GPM6A: variants seen among roughly 807,000 people sequenced by gnomAD.
GPM6A encodes glycoprotein M6A, also known as neuronal membrane glycoprotein M6-a.
In GPM6A, 7 loss-of-function variants were observed where a neutral mutation model predicts 32.1. That is an observed-to-expected ratio of 0.22 (90% confidence interval 0.12 to 0.41). The LOEUF (loss-of-function observed/expected upper bound fraction) is 0.41, where lower values mean the gene tolerates loss of function less well. GPM6A is among the 10% of genes least tolerant of loss of function. The pLI is 1.00. For missense variants in GPM6A, 235 were observed against 347.2 expected (o/e 0.68, Z 2.57); for synonymous variants, 130 against 123.4 (o/e 1.05, Z -0.35).
Position 175,812,121 on chromosome 4 carries a change from A to C in GPM6A, c.37+70T>G, listed in dbSNP as rs1579530314. 17 of 1,147,936 alleles carry C rather than the reference A, an allele frequency of 1.5e-5. No individual in the cohort carries two copies. The East Asian group carries it at 4.3e-4, about 29-fold the overall frequency. 71.1% of individuals were successfully genotyped at this position (1,147,936 alleles called of 1,614,324 possible). On this transcript the variant is annotated intron_variant, in intron 1 of 6. Transcript: ENST00000393658. Reference sequence around the variant, plus strand: ...GAAACATTCATTAGCCTTACTGGCAAGTGTCTAAAGCAAACAAGGAAACTG... The same window carrying C: ...GAAACATTCATTAGCCTTACTGGCACGTGTCTAAAGCAAACAAGGAAACTG...
In GPM6A at chr4:175,730,780, G is replaced by A. The variant is rs1032392248; in HGVS notation, c.38-29013C>T. On this transcript the variant is annotated intron_variant, in intron 1 of 6. Coordinates refer to ENST00000393658, the MANE Select transcript of GPM6A (RefSeq NM_201591.3). Reference sequence around the variant, plus strand: ...TGAGCCACCGCTGCTGGCCGTTCTCGATCTCTTACCACACACAAACCATTC... The same window carrying A: ...TGAGCCACCGCTGCTGGCCGTTCTCAATCTCTTACCACACACAAACCATTC... 3.9e-5 allele frequency among the ~76,000 whole-genome samples: 6 copies of A among 151,926 alleles called. 1 individual carries two copies. Among genetic ancestry groups the A allele is most frequent in the Admixed American group, 3.9e-4 (6 of 15,236 alleles).
chr4:175,760,776 G>A (rs17599880), intron 1 of GPM6A, among the ~76,000 whole-genome samples: 52,955 of 151,810 alleles, frequency 0.35, 9,849 homozygotes, highest in Non-Finnish European at 0.42. Flanking sequence ...GATATACACC[G>A]AGATCTTCCT....
At chr4:175,843,830 T>C (rs1227638847) in intron 1 of GPM6A, among the ~76,000 whole-genome samples, 2 of 152,166 alleles carry the variant, frequency 1.3e-5, no homozygotes, top group East Asian at 3.8e-4. Flanking sequence ...GACTCCCTTC[T>C]TGATAAAAAT....
intron 1 of GPM6A, among the ~76,000 whole-genome samples, chr4:175,877,885 G>A (rs949129836): frequency 2.0e-5 from 3 of 152,070 alleles, no homozygotes; most frequent in Non-Finnish European, 2.9e-5. Flanking sequence ...TTCCACCTAT[G>A]AGCCTGTAAA....
At chr4:175,669,067 A>G (rs1742910043) in intron 3 of GPM6A, among the ~76,000 whole-genome samples, 1 of 152,210 alleles carries the variant, frequency 6.6e-6, no homozygotes, top group Non-Finnish European at 1.5e-5. Context: ...TCTAGTATCT[A>G]CATGACATAG....
intron 1 of GPM6A, among the ~76,000 whole-genome samples, chr4:175,772,391 A>T (rs1229896833): frequency 1.3e-5 from 2 of 152,178 alleles, no homozygotes; most frequent in African/African-American, 4.8e-5. Flanking sequence ...AATGTGAGAG[A>T]AGAATGTCGC....
intron 1 of GPM6A, among the ~76,000 whole-genome samples, chr4:175,969,882 C>G (rs1740448196): frequency 6.6e-6 from 1 of 152,086 alleles, no homozygotes; most frequent in African/African-American, 2.4e-5. Flanking sequence ...TAAAATGGCT[C>G]TAAAAATAAT....
chr4:175,692,195 C>G (rs1744336818), intron 2 of GPM6A, among the ~76,000 whole-genome samples: 1 of 152,016 alleles, frequency 6.6e-6, no homozygotes, highest in Admixed American at 6.6e-5. Flanking sequence ...AACAGCATGG[C>G]AATAATGATA....
At chr4:175,714,478 G>A (rs1422548651) in intron 1 of GPM6A, among the ~76,000 whole-genome samples, 7 of 152,038 alleles carry the variant, frequency 4.6e-5, no homozygotes, top group Non-Finnish European at 1.0e-4. Flanking sequence ...TGACCTCCAG[G>A]ACTCAAGGGA....
intron 2 of GPM6A, among the ~76,000 whole-genome samples, chr4:175,690,205 C>A (rs1179345062): frequency 6.6e-6 from 1 of 152,178 alleles, no homozygotes; most frequent in Non-Finnish European, 1.5e-5. Context: ...ATATTTCGTT[C>A]AATTGAAACA....
At chr4:175,929,397 G>A (rs1254552804) in intron 1 of GPM6A, among the ~76,000 whole-genome samples, 5 of 152,146 alleles carry the variant, frequency 3.3e-5, no homozygotes, top group Non-Finnish European at 7.4e-5. Flanking sequence ...CGTTGTTACA[G>A]GTCTATTGCT....
chr4:175,678,937 G>C (rs1027033545), intron 2 of GPM6A, among the ~76,000 whole-genome samples: 3 of 152,124 alleles, frequency 2.0e-5, no homozygotes, highest in African/African-American at 7.2e-5. Context: ...TCATTTACTT[G>C]ATTGTTTTCT....
chr4:175,676,561 A>T (rs1743378858), intron 2 of GPM6A, among the ~76,000 whole-genome samples: 1 of 152,172 alleles, frequency 6.6e-6, no homozygotes, highest in Non-Finnish European at 1.5e-5. Context: ...AGCCTGGTCA[A>T]CATAGAGACA....
At chr4:175,657,282 TAGAC>T (rs1425638494) in intron 3 of GPM6A, among the ~76,000 whole-genome samples, 2 of 152,174 alleles carry the variant, frequency 1.3e-5, no homozygotes, top group Non-Finnish European at 2.9e-5. Context: ...CTTCAATAGA[TAGAC>T]AGTAGCTGAG....
At chr4:175,876,107 T>C (rs111341740) in intron 1 of GPM6A, among the ~76,000 whole-genome samples, 39 of 152,320 alleles carry the variant, frequency 2.6e-4, no homozygotes, top group African/African-American at 9.1e-4. Context: ...AAAATTTTAA[T>C]GCAGCTCAAA....
intron 1 of GPM6A, among the ~76,000 whole-genome samples, chr4:175,804,972 G>A (rs1245072717): frequency 6.6e-6 from 1 of 152,080 alleles, no homozygotes. Context: ...GTGAACCTGG[G>A]AGGTCGAGCT....
At chr4:175,812,506 C>T, upstream of GPM6A, 1 of 1,142,574 alleles carries the variant, frequency 8.8e-7, no homozygotes, top group Non-Finnish European at 1.1e-6. Context: ...CATTGTGTAC[C>T]ACTGTAAGCA....
intron 2 of GPM6A, among the ~76,000 whole-genome samples, chr4:175,695,515 C>T (rs1744530156): frequency 6.6e-6 from 1 of 152,174 alleles, no homozygotes; most frequent in Non-Finnish European, 1.5e-5. Context: ...GACTACCCTG[C>T]TAGATTTTGG....
At chr4:175,750,050 C>T (rs979764384) in intron 1 of GPM6A, among the ~76,000 whole-genome samples, 8 of 152,062 alleles carry the variant, frequency 5.3e-5, no homozygotes, top group East Asian at 1.9e-4. Context: ...AATCTTTATT[C>T]GAAGTGAACC....
Sources: gnomAD v4.1 joint callset for allele counts (sites outside exome capture counted in the v4.1 genomes callset) on GRCh38, gnomAD v4.1.1 for gene constraint, MANE v1.5 for transcripts, NCBI Gene and HGNC (gene_info 2026-07-23, HGNC 2026-07-21) for gene names.